Variants in AGMO observed in about 807,000 individuals in gnomAD.
AGMO encodes alkylglycerol monooxygenase.
In AGMO, 75 loss-of-function variants were observed where a neutral mutation model predicts 60.2. The observed-to-expected ratio is 1.25, with a 90% CI of 1.03 to 1.51. The LOEUF (loss-of-function observed/expected upper bound fraction) is 1.51, where lower values mean the gene tolerates loss of function less well. AGMO is among the 40% of genes most tolerant of loss of function. The pLI, the probability that AGMO is intolerant of heterozygous loss-of-function variation, is 0.00. For synonymous variants in AGMO, 261 were observed against 177.1 expected (o/e 1.47, Z -3.76); for missense variants, 763 against 525.5 (o/e 1.45, Z -4.42).
intron 12 of AGMO, among the ~76,000 whole-genome samples, chr7:15,314,870 G>GA (rs1019558242): frequency 3.3e-5 from 5 of 151,628 alleles, no homozygotes; most frequent in African/African-American, 7.3e-5. Context: ...AGGCAGAATA[G>GA]AAAAAAAAGA....
At chr7:15,349,438 C>A (rs891232418) in intron 12 of AGMO, among the ~76,000 whole-genome samples, 1 of 152,054 alleles carries the variant, frequency 6.6e-6, no homozygotes, top group Non-Finnish European at 1.5e-5. Context: ...GTGGTGATTA[C>A]ATGCAGACAC....
Position 15,375,592 on chromosome 7 carries a change from T to A in AGMO, c.1075-9370A>T, listed in dbSNP as rs1469727906. On this transcript the variant is annotated intron_variant, in intron 10 of 12. Transcript: ENST00000342526. Reference sequence around the variant, plus strand: ...TTGTATTTTTAGCAGAGGCGGAGGTTCTCCACCTTGGCCAGACAGGTCTCA... The same window carrying A: ...TTGTATTTTTAGCAGAGGCGGAGGTACTCCACCTTGGCCAGACAGGTCTCA... 3.9e-5 allele frequency among the ~76,000 whole-genome samples: 6 copies of A among 152,024 alleles called. No individual in the cohort carries two copies. The East Asian group carries it at 1.2e-3, about 29-fold the overall frequency.
chr7:15,301,701 T>G (rs1010618828), intron 12 of AGMO, among the ~76,000 whole-genome samples: 1 of 152,156 alleles, frequency 6.6e-6, no homozygotes, highest in Non-Finnish European at 1.5e-5. Context: ...TTTCATTTCT[T>G]TTAAAAACCC....
intron 12 of AGMO, among the ~76,000 whole-genome samples, chr7:15,281,162 A>C (rs751171667): frequency 2.0e-5 from 3 of 152,026 alleles, no homozygotes; most frequent in Admixed American, 1.3e-4. Flanking sequence ...CCACAGGTGG[A>C]AAGTTTCATT....
chr7:15,471,164 A>C (rs1011167084), intron 3 of AGMO, among the ~76,000 whole-genome samples: 2 of 151,906 alleles, frequency 1.3e-5, no homozygotes, highest in African/African-American at 4.8e-5. Context: ...TCATTTTTCC[A>C]TTTCCTCTAT....
chr7:15,370,335 G>C (rs1241895339), intron 10 of AGMO, among the ~76,000 whole-genome samples: 2 of 152,148 alleles, frequency 1.3e-5, no homozygotes, highest in Non-Finnish European at 2.9e-5. Context: ...CCATGTCTTT[G>C]CTATTGTGAA....
At chr7:15,364,234 A>G (rs1583460526) in intron 12 of AGMO, among the ~76,000 whole-genome samples, 1 of 152,054 alleles carries the variant, frequency 6.6e-6, no homozygotes, top group Middle Eastern at 3.4e-3. Flanking sequence ...TCTAACCACA[A>G]AATTCACCTT....
chr7:15,497,035 T>A (rs1295564575), intron 3 of AGMO, among the ~76,000 whole-genome samples: 4 of 152,138 alleles, frequency 2.6e-5, no homozygotes, highest in African/African-American at 9.7e-5. Flanking sequence ...ATGGATTTTA[T>A]AAAAAGCTTC....
At chr7:15,340,433 T>C (rs1191997982) in intron 12 of AGMO, among the ~76,000 whole-genome samples, 1 of 152,164 alleles carries the variant, frequency 6.6e-6, no homozygotes, top group Non-Finnish European at 1.5e-5. Flanking sequence ...TCTTACTACA[T>C]AACAAATTTT....
chr7:15,393,966 A>T (rs1209265764), intron 6 of AGMO, 147 bp downstream of exon 6: 6 of 366,450 alleles, frequency 1.6e-5, no homozygotes, highest in Non-Finnish European at 2.8e-5. Flanking sequence ...GGCTTGTACC[A>T]AAGAAGATAG....
intron 3 of AGMO, among the ~76,000 whole-genome samples, chr7:15,469,461 T>C (rs1196378569): frequency 6.6e-6 from 1 of 152,134 alleles, no homozygotes; most frequent in Non-Finnish European, 1.5e-5. Flanking sequence ...TCTGACTAAA[T>C]AACTAGGAGT....
the AGMO span, among the ~76,000 whole-genome samples, chr7:15,137,175 G>T: frequency 6.6e-6 from 1 of 152,064 alleles, no homozygotes. Context: ...AGTATTCATG[G>T]TTTCTGATAT....
At chr7:15,164,484 A>C in the AGMO span, among the ~76,000 whole-genome samples, 1 of 152,088 alleles carries the variant, frequency 6.6e-6, no homozygotes, top group African/African-American at 2.4e-5. Context: ...AATATTTGCA[A>C]ACTATGCCTT....
intron 12 of AGMO, among the ~76,000 whole-genome samples, chr7:15,277,725 T>C (rs1180328952): frequency 2.0e-5 from 3 of 152,146 alleles, no homozygotes; most frequent in South Asian, 2.1e-4. Context: ...TAAAAGCAGA[T>C]GGGTATGTAC....
At chr7:15,123,760 C>T in the AGMO span, among the ~76,000 whole-genome samples, 19 of 151,940 alleles carry the variant, frequency 1.3e-4, 1 homozygote, top group African/African-American at 4.3e-4. Flanking sequence ...GAGAAATTAG[C>T]TATTATCAAT....
At chr7:15,417,368 G>A (rs1233532097) in intron 5 of AGMO, among the ~76,000 whole-genome samples, 1 of 152,138 alleles carries the variant, frequency 6.6e-6, no homozygotes. Flanking sequence ...TCGGGACACA[G>A]GAAGAGGTGA....
chr7:15,335,185 T>C (rs1781618317), intron 12 of AGMO, among the ~76,000 whole-genome samples: 1 of 152,146 alleles, frequency 6.6e-6, no homozygotes, highest in South Asian at 2.1e-4. Context: ...ATGGCATGAG[T>C]TTTCAGTGGG....
the AGMO span, among the ~76,000 whole-genome samples, chr7:15,160,465 T>C: frequency 6.6e-6 from 1 of 152,172 alleles, no homozygotes; most frequent in African/African-American, 2.4e-5. Context: ...ACTGTATATT[T>C]GTATTATCTG....
At chr7:15,507,032 G>C (rs1468513550) in intron 3 of AGMO, among the ~76,000 whole-genome samples, 5 of 151,912 alleles carry the variant, frequency 3.3e-5, no homozygotes, top group African/African-American at 9.7e-5. Context: ...TATTGACAAT[G>C]GTGCTTTATT....
Sources: gnomAD v4.1 joint callset for allele counts (sites outside exome capture counted in the v4.1 genomes callset) on GRCh38, gnomAD v4.1.1 for gene constraint, MANE v1.5 for transcripts, NCBI Gene and HGNC (gene_info 2026-07-23, HGNC 2026-07-21) for gene names.